SMTN: variants seen among roughly 807,000 people sequenced by gnomAD.
SMTN encodes the protein smoothelin.
In SMTN, 58 loss-of-function variants were observed where a neutral mutation model predicts 102.0. The ratio of observed to expected loss-of-function variants is 0.57; its 90% CI spans 0.46 to 0.71. SMTN has a LOEUF of 0.71. Ranked by LOEUF, SMTN falls within the 30% of genes least tolerant of loss-of-function variation. SMTN has a pLI of 0.00. For missense variants in SMTN, 1,185 were observed against 1,241.7 expected, an observed-to-expected ratio of 0.95 and a Z score of 0.69; for synonymous variants, 478 against 497.9, an observed-to-expected ratio of 0.96 and a Z score of 0.53.
upstream of SMTN, among the ~76,000 whole-genome samples, chr22:31,078,641 A>T (rs1218531665): frequency 2.0e-5 from 3 of 152,202 alleles, no homozygotes; most frequent in Non-Finnish European, 4.4e-5. Context: ...TCCTTTTCCC[A>T]GACTATTGGT....
intron 7 of SMTN, 41 bp from the exon 8 acceptor site, chr22:31,090,067 G>T (rs946672773): frequency 6.2e-7 from 1 of 1,610,814 alleles, no homozygotes; most frequent in South Asian, 1.1e-5. Flanking sequence ...AGCAGGTCTG[G>T]GAGTCAGGCC....
chr22:31,094,138 T>C (rs549215719), intron 11 of SMTN, among the ~76,000 whole-genome samples: 20 of 152,232 alleles, frequency 1.3e-4, no homozygotes, highest in African/African-American at 4.8e-4. Flanking sequence ...AGACCAAGCC[T>C]CCCTGAAACA....
chr22:31,091,108 C>A lies in SMTN; in HGVS notation c.1085C>A (p.Ala362Glu), dbSNP rs369877769. 35 of 1,614,024 alleles carry A rather than the reference C, an allele frequency of 2.2e-5. No individual in the cohort carries two copies. In the African/African-American group the frequency reaches 3.9e-4, roughly 18 times the overall value. The change falls in exon 10 of 21, where the codon GCA (alanine) becomes GAA (glutamate). Residue 362 changes from alanine to glutamate, a missense_variant. Transcript: ENST00000333137. ...PQAALSPLTP[A>E]RLLGPSLTST... is the part of the protein sequence containing the mutation. ...GCTGCCCTAAGTCCCCTGACCCCCGCAAGGCTCCTGGGCCCCTCCCTCACC... is the reference window on the plus strand; with the variant it reads ...GCTGCCCTAAGTCCCCTGACCCCCGAAAGGCTCCTGGGCCCCTCCCTCACC...
chr22:31,070,297 T>C (rs546418457), intron 1 of SMTN, among the ~76,000 whole-genome samples: 1 of 152,258 alleles, frequency 6.6e-6, no homozygotes, highest in Admixed American at 6.5e-5. Flanking sequence ...AGGAGCTCCG[T>C]TTTCTCATTT....
rs1241059932 is a variant in SMTN, at chr22:31,104,508, C to T, written c.*213C>T. The T allele has an allele frequency of 1.9e-6, 3 of 1,602,780 alleles. No individual in the cohort carries two copies. The highest frequency in any genetic ancestry group is 2.5e-6 in the Non-Finnish European group (3 of 1,176,702). ...GCCAGCCAGTGGCAAGCTGCCGCCCCCACTCTCCGGGCACCGTCTCCTGCC... is the reference window on the plus strand; with the variant it reads ...GCCAGCCAGTGGCAAGCTGCCGCCCTCACTCTCCGGGCACCGTCTCCTGCC... On this transcript the variant is annotated 3_prime_UTR_variant, in exon 21 of 21. Transcript: ENST00000333137.
chr22:31,078,989 G>A (rs560610951), upstream of SMTN, among the ~76,000 whole-genome samples: 7 of 152,300 alleles, frequency 4.6e-5, no homozygotes, highest in East Asian at 7.7e-4. Flanking sequence ...TGGAGGGAAG[G>A]GGCTTCAGCA....
At chr22:31,082,760 G>A (rs2042395523) in intron 1 of SMTN, 1 of 1,079,014 alleles carries the variant, frequency 9.3e-7, no homozygotes, top group East Asian at 2.6e-5. Context: ...TGAGCCTGCG[G>A]AGTGGGTGGG....
intron 16 of SMTN, 51 bp downstream of exon 16, chr22:31,097,389 G>A: frequency 2.0e-6 from 3 of 1,533,862 alleles, no homozygotes; most frequent in South Asian, 1.1e-5. Context: ...TGCCACAGGG[G>A]ACCTAACTGC....
chr22:31,094,408 G>C (rs1196359418), intron 11 of SMTN, among the ~76,000 whole-genome samples: 1 of 152,230 alleles, frequency 6.6e-6, no homozygotes, highest in African/African-American at 2.4e-5. Context: ...ACAGGCCCCG[G>C]GCCAGCCCTC....
intron 1 of SMTN, chr22:31,065,069 AT>A (rs1335775237): frequency 1.3e-5 from 2 of 152,014 alleles, no homozygotes; most frequent in Non-Finnish European, 2.9e-5. Context: ...CTCAATTTGA[AT>A]GTCTGATTTT....
upstream of SMTN, among the ~76,000 whole-genome samples, chr22:31,076,745 C>A (rs1445220666): frequency 6.6e-6 from 1 of 152,158 alleles, no homozygotes. Context: ...CCTATTTGAA[C>A]CATAAGGTGG....
intron 1 of SMTN, among the ~76,000 whole-genome samples, chr22:31,070,114 G>A (rs1012688987): frequency 1.6e-4 from 25 of 152,130 alleles, no homozygotes; most frequent in Non-Finnish European, 2.9e-4. Flanking sequence ...TGAAGCGTAT[G>A]CAAATCAGAT....
rs759430445 is a variant in SMTN at position 31,100,938 on chromosome 22, G to C, written c.2657G>C (p.Arg886Pro). The change falls in exon 20 of 21, where the codon CGA (arginine) becomes CCA (proline). Residue 886 changes from arginine (R) to proline (P), a missense_variant. Coordinates refer to ENST00000333137, the MANE Select transcript of SMTN (RefSeq NM_134269.3). The stretch of plus-strand genomic sequence containing the variant: ...GATACAGAGGACATGGTGCGGCTTC[G>C]AGAGCCTGACTGGAAGTGCGTGTAC... ...LLDTEDMVRL[R>P]EPDWKCVYTY... is the part of the protein sequence containing the mutation. 2 of 1,612,260 alleles carry C rather than the reference G, an allele frequency of 1.2e-6. No homozygotes were observed. Among genetic ancestry groups the C allele is most frequent in the South Asian group, 2.2e-5 (2 of 90,868 alleles).
At chr22:31,081,776 ATCT>A (rs963477928) in intron 1 of SMTN, among the ~76,000 whole-genome samples, 3 of 152,102 alleles carry the variant, frequency 2.0e-5, no homozygotes. Context: ...AGCGGCAGGG[ATCT>A]TCTTATAATC....
intron 1 of SMTN, among the ~76,000 whole-genome samples, chr22:31,073,976 C>T (rs1313866181): frequency 6.6e-6 from 1 of 152,188 alleles, no homozygotes; most frequent in Non-Finnish European, 1.5e-5. Flanking sequence ...CAGGCTTGTT[C>T]ACATAACAGC....
chr22:31,101,205 A>G (rs1029388244), intron 20 of SMTN, 156 bp downstream of exon 20: 1 of 686,932 alleles, frequency 1.5e-6, no homozygotes, highest in Non-Finnish European at 2.4e-6. Context: ...TTCAGGGCCC[A>G]GCAGGTGAGA....
intron 1 of SMTN, among the ~76,000 whole-genome samples, chr22:31,073,725 C>T (rs1055308227): frequency 6.6e-6 from 1 of 152,214 alleles, no homozygotes; most frequent in Non-Finnish European, 1.5e-5. Flanking sequence ...TTATCAATTG[C>T]CACAACAATG....
chr22:31,077,395 C>CAA (rs58101070), upstream of SMTN, among the ~76,000 whole-genome samples: 4,394 of 148,448 alleles, frequency 0.03, 94 homozygotes, highest in Middle Eastern at 0.091. Context: ...CAAAACAAAA[C>CAA]AAAAAAAAAA....
Position 31,104,408 on chromosome 22 carries a change from A to C in SMTN, c.*113A>C. On this transcript the variant is annotated 3_prime_UTR_variant, in exon 21 of 21. Coordinates refer to ENST00000333137, the MANE Select transcript of SMTN (RefSeq NM_134269.3). ...CCCAAGTGTGTCTTCACCTATGTGC[A>C]GTCGCTCTACAACCACCTGCGACGC... The C allele has an allele frequency of 6.2e-7, 1 of 1,614,158 alleles. No individual in the cohort carries two copies.
Sources: gnomAD v4.1 joint callset for allele counts (sites outside exome capture counted in the v4.1 genomes callset) on GRCh38, gnomAD v4.1.1 for gene constraint, MANE v1.5 for transcripts, NCBI Gene and HGNC (gene_info 2026-07-23, HGNC 2026-07-21) for gene names.